The following UNC5D variants were observed in gnomAD, a reference collection of about 807,000 sequenced individuals.
The protein encoded by UNC5D is unc-5 netrin receptor D, also known as netrin receptor UNC5D.
In UNC5D, 39 loss-of-function variants were observed where a neutral mutation model predicts 105.4. The observed-to-expected ratio is 0.37, with a 90% CI of 0.29 to 0.48. The LOEUF is 0.48. Ranked by LOEUF, UNC5D falls within the 20% of genes least tolerant of loss-of-function variation. The pLI, the probability that UNC5D is intolerant of heterozygous loss-of-function variation, is 0.98. For missense variants in UNC5D, 991 were observed against 1,202.4 expected, an observed-to-expected ratio of 0.82 and a Z score of 2.60; for synonymous variants, 452 against 450.4, an observed-to-expected ratio of 1.00 and a Z score of -0.04.
At chr8:35,608,147 A>C (rs1172778905) in intron 4 of UNC5D, among the ~76,000 whole-genome samples, 1 of 152,144 alleles carries the variant, frequency 6.6e-6, no homozygotes, top group Admixed American at 6.5e-5. Context: ...AGCCCAGTAC[A>C]CTTCCGATTC....
At chr8:35,688,467 A>T (rs2131362252) in intron 7 of UNC5D, among the ~76,000 whole-genome samples, 2 of 152,322 alleles carry the variant, frequency 1.3e-5, no homozygotes, top group Middle Eastern at 3.4e-3. Context: ...TAGTACATTG[A>T]AATGAGCACT....
chr8:35,756,505 A>G (rs932932366), intron 13 of UNC5D, among the ~76,000 whole-genome samples: 1 of 151,612 alleles, frequency 6.6e-6, no homozygotes, highest in Admixed American at 6.6e-5. Flanking sequence ...GTGAAAAATC[A>G]TTTATGAGAC....
intron 1 of UNC5D, among the ~76,000 whole-genome samples, chr8:35,314,618 C>G (rs545686140): frequency 1.3e-5 from 2 of 152,262 alleles, no homozygotes; most frequent in East Asian, 3.9e-4. Context: ...GTGAAGTAGT[C>G]TTGGCATAAC....
intron 7 of UNC5D, among the ~76,000 whole-genome samples, chr8:35,701,829 A>G (rs1031041860): frequency 6.6e-6 from 1 of 151,114 alleles, no homozygotes; most frequent in African/African-American, 2.4e-5. Context: ...AGGCTTGTAT[A>G]TATAACTTAA....
At chr8:35,313,964 T>A (rs1809090263) in intron 1 of UNC5D, among the ~76,000 whole-genome samples, 1 of 152,176 alleles carries the variant, frequency 6.6e-6, no homozygotes, top group Non-Finnish European at 1.5e-5. Flanking sequence ...TTTTTTATGC[T>A]TCATTGAGCG....
At chr8:35,602,223 C>G (rs151259244) in intron 4 of UNC5D, among the ~76,000 whole-genome samples, 1 of 152,158 alleles carries the variant, frequency 6.6e-6, no homozygotes, top group Non-Finnish European at 1.5e-5. Flanking sequence ...AGAATTTTTG[C>G]ATCAGTGTTC....
intron 9 of UNC5D, among the ~76,000 whole-genome samples, chr8:35,723,192 C>T (rs1828675271): frequency 6.6e-6 from 1 of 152,098 alleles, no homozygotes; most frequent in Non-Finnish European, 1.5e-5. Flanking sequence ...GTGGTGCCTA[C>T]AGCGCGGAAC....
intron 7 of UNC5D, among the ~76,000 whole-genome samples, chr8:35,692,227 A>G (rs1291698571): frequency 2.6e-5 from 4 of 152,238 alleles, no homozygotes; most frequent in African/African-American, 9.6e-5. Flanking sequence ...TTAAATAAAC[A>G]TCCCCAAGCT....
chr8:35,676,599 T>C (rs1825239581), intron 4 of UNC5D, among the ~76,000 whole-genome samples: 1 of 152,226 alleles, frequency 6.6e-6, no homozygotes, highest in Admixed American at 6.5e-5. Flanking sequence ...AGGCAATTTA[T>C]TGTTAAATAA....
At chr8:35,759,738 A>G (rs2131680104) in intron 14 of UNC5D, among the ~76,000 whole-genome samples, 2 of 152,322 alleles carry the variant, frequency 1.3e-5, no homozygotes, top group East Asian at 3.9e-4. Flanking sequence ...ATTGCTCAAT[A>G]TAGGTTGAAG....
intron 1 of UNC5D, among the ~76,000 whole-genome samples, chr8:35,527,435 G>A (rs909834928): frequency 6.6e-6 from 1 of 152,150 alleles, no homozygotes; most frequent in African/African-American, 2.4e-5. Flanking sequence ...AAAAGTACTG[G>A]AAGATTCTGT....
chr8:35,501,703 C>T lies in UNC5D; in HGVS notation c.104-47589C>T, dbSNP rs1259544405. 2.6e-5 allele frequency among the ~76,000 whole-genome samples: 4 copies of T among 152,174 alleles called. No individual in the cohort carries two copies. The East Asian group carries it at 7.7e-4, about 29-fold the overall frequency. On this transcript the variant is annotated intron_variant, in intron 1 of 16. Coordinates refer to ENST00000404895, the MANE Select transcript of UNC5D (RefSeq NM_080872.4). ...ATTCAGAATTGATATAAAGGATTTG[C>T]ATTCAGTTACCCCACTCTTACCATC... is the stretch of plus-strand genomic sequence containing the variant.
chr8:35,790,354 T>C lies in UNC5D; in HGVS notation c.2658-5T>C, dbSNP rs1156265035. 8 of 1,613,520 alleles carry C rather than the reference T, an allele frequency of 5.0e-6. No individual in the cohort carries two copies. The East Asian group carries it at 6.7e-5, about 13-fold the overall frequency. On this transcript the variant is annotated splice_region_variant and splice_polypyrimidine_tract_variant and intron_variant, in intron 16 of 16. Transcript: ENST00000404895. ...TGTTCTTTGTGTTTAACTCTCTCCA[T>C]CTAGGAATTTATCTTATTTCGCTAC...
chr8:35,551,270 A>G (rs1816119617), intron 2 of UNC5D, among the ~76,000 whole-genome samples: 1 of 152,224 alleles, frequency 6.6e-6, no homozygotes, highest in African/African-American at 2.4e-5. Context: ...ATTAACAAGG[A>G]TAAAAATGTG....
intron 6 of UNC5D, 130 bp from the exon 7 acceptor site, chr8:35,686,415 A>G: frequency 1.0e-6 from 1 of 976,002 alleles, no homozygotes; most frequent in Non-Finnish European, 1.4e-6. Context: ...ATAAGTGGAT[A>G]TGTTCTTTTG....
intron 1 of UNC5D, among the ~76,000 whole-genome samples, chr8:35,248,800 A>C (rs1312781470): frequency 1.0e-5 from 1 of 98,454 alleles, no homozygotes; most frequent in Non-Finnish European, 1.8e-5. Context: ...AATATATAAA[A>C]ATATAATATA....
At chr8:35,260,195 C>T (rs1486623955) in intron 1 of UNC5D, among the ~76,000 whole-genome samples, 2 of 152,118 alleles carry the variant, frequency 1.3e-5, no homozygotes, top group Non-Finnish European at 2.9e-5. Flanking sequence ...GTTCACCTGT[C>T]AGGTGAGAAA....
chr8:35,722,221 G>A lies in UNC5D; in HGVS notation c.1129G>A (p.Ala377Thr). 1 of 1,613,586 alleles carries A rather than the reference G, an allele frequency of 6.2e-7. No homozygotes were observed. ...HEIKPQSIEN[A>T]SDIALYSGLG... Reference sequence around the variant, plus strand: ...CTTGTGTCTTTCAGGCATTGAGAATGCCAGCGACATTGCTTTGTACTCGGG... The same window carrying A: ...CTTGTGTCTTTCAGGCATTGAGAATACCAGCGACATTGCTTTGTACTCGGG... The change falls in exon 9 of 17, where the codon GCC becomes ACC. Residue 377 changes from alanine (A) to threonine (T), a missense_variant. Transcript: ENST00000404895.
chr8:35,578,667 T>G (rs2130831292), intron 3 of UNC5D, among the ~76,000 whole-genome samples: 1 of 152,340 alleles, frequency 6.6e-6, no homozygotes, highest in African/African-American at 2.4e-5. Flanking sequence ...TTCTCCTTTT[T>G]TAGTAGAAGC....
Sources: allele counts gnomAD v4.1 joint callset (sites outside exome capture counted in the v4.1 genomes callset), GRCh38; gene constraint gnomAD v4.1.1; transcripts MANE v1.5; gene names NCBI Gene and HGNC (gene_info 2026-07-23, HGNC 2026-07-21).